The following RNF38 variants were observed in gnomAD, a reference collection of about 807,000 sequenced individuals.
The protein encoded by RNF38 is ring finger protein 38, also known as E3 ubiquitin-protein ligase RNF38.
A neutral mutation model predicts 67.2 loss-of-function variants in RNF38; 15 were observed. That is an observed-to-expected ratio of 0.22 (90% CI 0.15 to 0.34). The LOEUF (loss-of-function observed/expected upper bound fraction) is 0.34, where lower values mean the gene tolerates loss of function less well. Ranked by LOEUF, RNF38 falls within the 10% of genes least tolerant of loss-of-function variation. The pLI is 1.00. For synonymous variants in RNF38, 220 were observed against 218.8 expected, an observed-to-expected ratio of 1.01 and a Z score of -0.05; for missense variants, 524 against 639.9, an observed-to-expected ratio of 0.82 and a Z score of 1.95.
chr9:36,439,509 T>G (rs369790501), intron 1 of RNF38, among the ~76,000 whole-genome samples: 1 of 152,096 alleles, frequency 6.6e-6, no homozygotes, highest in Non-Finnish European at 1.5e-5. Context: ...GTTATTCCTA[T>G]ATCAATCGAA....
At chr9:36,407,327 T>TG (rs1838207007) in intron 2 of RNF38, among the ~76,000 whole-genome samples, 8 of 152,164 alleles carry the variant, frequency 5.3e-5, no homozygotes, top group Admixed American at 2.0e-4. Flanking sequence ...AGGTGGCTGT[T>TG]TCCACAGTGC....
chr9:36,442,204 C>A (rs921376203), intron 1 of RNF38, among the ~76,000 whole-genome samples: 1 of 152,202 alleles, frequency 6.6e-6, no homozygotes, highest in Non-Finnish European at 1.5e-5. Context: ...CGTAATCTGA[C>A]TGAATGTTCT....
rs563157678 is a variant in RNF38, at chr9:36,394,972, G to A, written c.13-4356C>T. On this transcript the variant is annotated intron_variant, in intron 1 of 11. Coordinates refer to ENST00000259605, the MANE Select transcript of RNF38 (RefSeq NM_022781.5). ...CCTGTATTTAAAAAGTCCTGCCAAG[G>A]AAACATCCTGAGACCACATTAAGTC... is the stretch of plus-strand genomic sequence containing the variant. Among the ~76,000 whole-genome samples the A allele has an allele frequency of 2.6e-5, 4 of 152,214 alleles. No individual in the cohort carries two copies. In the South Asian group the frequency reaches 8.3e-4, roughly 32 times the overall value.
upstream of RNF38, chr9:36,400,671 G>T: frequency 1.0e-6 from 1 of 985,710 alleles, no homozygotes; most frequent in Non-Finnish European, 1.2e-6. Context: ...CCGTCCGCGG[G>T]CCTCCTCACC....
chr9:36,452,776 G>A (rs1020739335), intron 1 of RNF38, among the ~76,000 whole-genome samples: 1 of 152,072 alleles, frequency 6.6e-6, no homozygotes, highest in Non-Finnish European at 1.5e-5. Flanking sequence ...CAAGTGATCC[G>A]CCTGCCCTGG....
At chr9:36,391,758 C>T (rs964986174) in intron 1 of RNF38, among the ~76,000 whole-genome samples, 34 of 151,836 alleles carry the variant, frequency 2.2e-4, no homozygotes, top group Admixed American at 8.5e-4. Flanking sequence ...GGACTACAGG[C>T]GCCCGCCACC....
At chr9:36,410,451 C>T (rs1263166633) in intron 2 of RNF38, among the ~76,000 whole-genome samples, 2 of 152,072 alleles carry the variant, frequency 1.3e-5, no homozygotes, top group African/African-American at 4.8e-5. Context: ...CTCAGCCTCC[C>T]GTGCAGCTGG....
Position 36,356,463 on chromosome 9 carries a change from G to T in RNF38, c.749C>A (p.Ala250Glu). The change falls in exon 6 of 12, where the codon GCA (alanine) becomes GAA (glutamate). Residue 250 changes from alanine (A) to glutamate (E), a missense_variant. Ala to Glu is a moderately radical substitution (Grantham distance 107). Coordinates refer to ENST00000259605, the MANE Select transcript of RNF38 (RefSeq NM_022781.5). ...VCSVPPPMLQ[A>E]CSVQHLPVPY... ...TACTGGTAAGTGCTGAACTGAACAT[G>T]CCTGAAGCATCTGTAAGAGAAACCA... is the stretch of plus-strand genomic sequence containing the variant. 9 of 1,584,318 alleles carry T rather than the reference G, an allele frequency of 5.7e-6. No homozygotes were observed. The highest frequency in any genetic ancestry group is 7.7e-6 in the Non-Finnish European group (9 of 1,167,388).
intron 2 of RNF38, 139 bp downstream of exon 2, chr9:36,390,328 T>G: frequency 1.6e-6 from 1 of 622,218 alleles, no homozygotes; most frequent in Non-Finnish European, 2.5e-6. Context: ...AATATTAAAG[T>G]CCTCTAAGAA....
In RNF38 at chr9:36,373,082, C is replaced by CT. The variant is rs201205769; in HGVS notation, c.356+2851dup. ...ATTAGCTGGGTGTTGTGGCAGGCACCTGTAATCCCAGCTACTTGTGAGGCT... is the reference window on the plus strand; with the variant it reads ...ATTAGCTGGGTGTTGTGGCAGGCACCTTGTAATCCCAGCTACTTGTGAGGCT... On this transcript the variant is annotated intron_variant, in intron 3 of 11. Transcript: ENST00000259605. 9.4e-4 allele frequency among the ~76,000 whole-genome samples: 143 copies of CT among 152,242 alleles called. 1 individual carries two copies. In the East Asian group the frequency reaches 0.023, roughly 25 times the overall value.
At chr9:36,384,203 T>A (rs897079879) in intron 2 of RNF38, among the ~76,000 whole-genome samples, 1 of 152,126 alleles carries the variant, frequency 6.6e-6, no homozygotes, top group Non-Finnish European at 1.5e-5. Context: ...TTTTAAGCTA[T>A]AATTATAGAT....
intron 1 of RNF38, among the ~76,000 whole-genome samples, chr9:36,471,137 G>A (rs986907116): frequency 1.3e-5 from 2 of 152,014 alleles, no homozygotes; most frequent in Admixed American, 1.3e-4. Context: ...CCAGGCTTCC[G>A]CCCCGCCCCA....
At chr9:36,422,865 T>C (rs539566515) in intron 2 of RNF38, among the ~76,000 whole-genome samples, 7 of 152,192 alleles carry the variant, frequency 4.6e-5, no homozygotes, top group South Asian at 2.1e-4. Flanking sequence ...AACAAAAACA[T>C]TTTAAGGGGT....
chr9:36,365,662 GTTT>G (rs759974775), intron 4 of RNF38, among the ~76,000 whole-genome samples: 14 of 103,600 alleles, frequency 1.4e-4, no homozygotes, highest in Non-Finnish European at 2.3e-4. Context: ...AAGACTGATA[GTTT>G]TTTTTTTTTT....
intron 1 of RNF38, among the ~76,000 whole-genome samples, chr9:36,426,076 C>A (rs557047769): frequency 1.3e-5 from 2 of 152,192 alleles, no homozygotes; most frequent in Admixed American, 6.5e-5. Context: ...TGAGGATCAC[C>A]TGCTTATTTA....
chr9:36,353,046 C>T, intron 7 of RNF38, 124 bp downstream of exon 7: 2 of 924,338 alleles, frequency 2.2e-6, no homozygotes, highest in Admixed American at 2.3e-5. Context: ...CTAAATATAA[C>T]TTTCCAACTG....
chr9:36,387,290 T>A (rs369807006), intron 2 of RNF38, among the ~76,000 whole-genome samples: 1 of 152,240 alleles, frequency 6.6e-6, no homozygotes, highest in East Asian at 1.9e-4. Context: ...AACCCTCTCC[T>A]GGGGTCTGGA....
At chr9:36,395,344 A>G (rs556141233) in intron 1 of RNF38, among the ~76,000 whole-genome samples, 1 of 151,316 alleles carries the variant, frequency 6.6e-6, no homozygotes, top group East Asian at 1.9e-4. Flanking sequence ...TTTTTTCTCC[A>G]GTAAAAGTGA....
intron 2 of RNF38, among the ~76,000 whole-genome samples, chr9:36,412,279 T>C (rs992336392): frequency 1.3e-5 from 2 of 152,260 alleles, no homozygotes; most frequent in Non-Finnish European, 2.9e-5. Context: ...TTAGGGATTT[T>C]GCACTAGCTG....
Sources: gnomAD v4.1 joint callset for allele counts (sites outside exome capture counted in the v4.1 genomes callset) on GRCh38, gnomAD v4.1.1 for gene constraint, MANE v1.5 for transcripts, NCBI Gene and HGNC (gene_info 2026-07-23, HGNC 2026-07-21) for gene names.